The following CDKL3 variants were observed in gnomAD, a reference collection of about 807,000 sequenced individuals.
CDKL3 encodes the protein cyclin dependent kinase like 3.
CDKL3 carries 65 observed loss-of-function variants against 69.3 expected under a neutral mutation model. The ratio of observed to expected loss-of-function variants is 0.94; its 90% CI spans 0.77 to 1.15. CDKL3 has a LOEUF of 1.15. Ranked by LOEUF, CDKL3 falls within the 50% of genes most tolerant of loss-of-function variation. CDKL3 has a pLI of 0.00. For synonymous variants in CDKL3, 202 were observed against 221.6 expected (o/e 0.91, Z 0.79); for missense variants, 652 against 689.2 (o/e 0.95, Z 0.61).
intron 10 of CDKL3, among the ~76,000 whole-genome samples, chr5:134,305,304 AG>A (rs1350370392): frequency 3.3e-5 from 5 of 152,002 alleles, no homozygotes; most frequent in Non-Finnish European, 7.4e-5. Context: ...TTGTACAGAC[AG>A]GGTCCGTTAT....
rs190295200 is a variant in CDKL3, at chr5:134,329,288, C to T, written c.540-7385G>A. Among the ~76,000 whole-genome samples the T allele has an allele frequency of 2.0e-3, 301 of 152,004 alleles. 3 individuals carry two copies. Among genetic ancestry groups the T allele is most frequent in the Non-Finnish European group, 5.6e-4 (38 of 67,976 alleles). Reference sequence around the variant, plus strand: ...AGAAGGTTGAGGCTGCAGTGAGTCACGATCACTCCACTGCACTCCAGCCTG... The same window carrying T: ...AGAAGGTTGAGGCTGCAGTGAGTCATGATCACTCCACTGCACTCCAGCCTG... On this transcript the variant is annotated intron_variant, in intron 4 of 12. Transcript: ENST00000265334.
intron 8 of CDKL3, among the ~76,000 whole-genome samples, chr5:134,289,194 A>T (rs1338305026): frequency 6.6e-6 from 1 of 151,438 alleles, no homozygotes; most frequent in Non-Finnish European, 1.5e-5. Context: ...AGGAAAGAAA[A>T]AGAAAAGAAA....
chr5:134,352,288 G>T (rs944044996), intron 3 of CDKL3, among the ~76,000 whole-genome samples: 7 of 150,706 alleles, frequency 4.6e-5, no homozygotes, highest in African/African-American at 1.7e-4. Context: ...ATCCTTAATG[G>T]ACACTTAGGT....
At chr5:134,369,003 G>A (rs1355850373), upstream of CDKL3, among the ~76,000 whole-genome samples, 2 of 152,116 alleles carry the variant, frequency 1.3e-5, no homozygotes, top group Non-Finnish European at 2.9e-5. Context: ...CTCCAACCTG[G>A]GTGACAGAGC....
At chr5:134,366,646 T>G in intron 1 of CDKL3, 102 bp from the exon 2 acceptor site, 1 of 744,108 alleles carries the variant, frequency 1.3e-6, no homozygotes, top group Non-Finnish European at 2.1e-6. Flanking sequence ...CAGTCTCAAA[T>G]ATAGAGACAT....
chr5:134,333,177 C>T (rs1399272487), intron 4 of CDKL3, among the ~76,000 whole-genome samples: 1 of 152,216 alleles, frequency 6.6e-6, no homozygotes, highest in African/African-American at 2.4e-5. Flanking sequence ...TATCCTGAGA[C>T]TTTGCTGAAG....
chr5:134,326,825 A>ATATATATGTGTGTG (rs1774390915), intron 4 of CDKL3, among the ~76,000 whole-genome samples: 1 of 104,184 alleles, frequency 9.6e-6, no homozygotes, highest in Non-Finnish European at 1.7e-5. Context: ...GTGTATATAT[A>ATATATATGTGTGTG]TATATATATA....
chr5:134,368,498 A>G (rs922697709), upstream of CDKL3, among the ~76,000 whole-genome samples: 1 of 151,472 alleles, frequency 6.6e-6, no homozygotes, highest in Admixed American at 6.6e-5. Flanking sequence ...GGGCGCCTGT[A>G]GTCCCAGCTA....
At chr5:134,370,243 T>G (rs1758220084), upstream of CDKL3, among the ~76,000 whole-genome samples, 1 of 152,174 alleles carries the variant, frequency 6.6e-6, no homozygotes, top group Admixed American at 6.5e-5. Context: ...TCAGAGTCCT[T>G]AGTATAACAA....
intron 10 of CDKL3, 43 bp downstream of exon 10, chr5:134,306,566 T>C (rs1767889249): frequency 9.1e-7 from 1 of 1,104,802 alleles, no homozygotes; most frequent in Non-Finnish European, 1.4e-6. Context: ...AAAGAAGTAA[T>C]GTTAAAAGAG....
In CDKL3 at chr5:134,366,361, T is replaced by G. The variant is rs1053835841; in HGVS notation, c.163A>C (p.Lys55Gln). 3.2e-6 allele frequency: 5 copies of G among 1,558,004 alleles called. No homozygotes were observed. The highest frequency in any genetic ancestry group is 4.3e-6 in the Non-Finnish European group (5 of 1,156,866). ...KIAMREIKFL[K>Q]QFHHENLVNL... Reference sequence around the variant, plus strand: ...TGATTAAGGCAAAAGAAGCAAACCTTTAGAAACTTTATTTCTCTCATCGCA... The same window carrying G: ...TGATTAAGGCAAAAGAAGCAAACCTGTAGAAACTTTATTTCTCTCATCGCA... Residue 55 changes from lysine (K) to glutamine (Q), a missense_variant and splice_region_variant, in exon 2 of 13, where the codon AAG becomes CAG. Transcript: ENST00000265334.
At chr5:134,325,167 G>A (rs1580988791) in intron 4 of CDKL3, among the ~76,000 whole-genome samples, 1 of 152,092 alleles carries the variant, frequency 6.6e-6, no homozygotes, top group South Asian at 2.1e-4. Flanking sequence ...GACAGAATGC[G>A]ACACTGTCTC....
At chr5:134,358,054 G>A (rs1371554079) in intron 3 of CDKL3, among the ~76,000 whole-genome samples, 1 of 152,010 alleles carries the variant, frequency 6.6e-6, no homozygotes, top group African/African-American at 2.4e-5. Context: ...ACTCCCATCT[G>A]GGCAACAAAG....
chr5:134,307,892 C>CTT (rs36104884), intron 9 of CDKL3: 103 of 477,880 alleles, frequency 2.2e-4, no homozygotes, highest in African/African-American at 1.9e-3. Flanking sequence ...TTCAAAGGGT[C>CTT]TTTTTTTTTA....
intron 4 of CDKL3, among the ~76,000 whole-genome samples, chr5:134,347,092 T>C (rs1473693162): frequency 6.6e-6 from 1 of 152,070 alleles, no homozygotes; most frequent in Non-Finnish European, 1.5e-5. Flanking sequence ...TAATGAAATA[T>C]GATAATATTA....
chr5:134,341,272 C>A (rs1249490338), intron 4 of CDKL3, among the ~76,000 whole-genome samples: 3 of 152,132 alleles, frequency 2.0e-5, no homozygotes, highest in African/African-American at 7.2e-5. Flanking sequence ...AGATTAGGAA[C>A]AAGACAAGGA....
chr5:134,353,584 G>A (rs993075882), intron 3 of CDKL3, among the ~76,000 whole-genome samples: 6 of 142,924 alleles, frequency 4.2e-5, no homozygotes, highest in Non-Finnish European at 7.5e-5. Flanking sequence ...ACAGAGTCTC[G>A]CTTTGTCACC....
chr5:134,371,504 C>CGAT (rs1042404749), upstream of CDKL3: 16 of 1,485,664 alleles, frequency 1.1e-5, no homozygotes, highest in Admixed American at 1.9e-4. Context: ...GCGGCGGCGG[C>CGAT]GATCCACAGT....
chr5:134,368,740 T>C (rs1757999743), upstream of CDKL3, among the ~76,000 whole-genome samples: 1 of 152,100 alleles, frequency 6.6e-6, no homozygotes. Flanking sequence ...TATTATTTGT[T>C]GTGGGCTAAA....
Sources: gnomAD v4.1 joint callset for allele counts (sites outside exome capture counted in the v4.1 genomes callset) on GRCh38, gnomAD v4.1.1 for gene constraint, MANE v1.5 for transcripts, NCBI Gene and HGNC (gene_info 2026-07-23, HGNC 2026-07-21) for gene names.